The following TRIM64 variants were observed in gnomAD, a reference collection of about 807,000 sequenced individuals.
The protein encoded by TRIM64 is tripartite motif containing 64.
TRIM64 carries 3 observed loss-of-function variants against 10.6 expected under a neutral mutation model. That is an observed-to-expected ratio of 0.28 (90% confidence interval 0.13 to 0.73). The LOEUF is 0.73. TRIM64 is among the 30% of genes least tolerant of loss of function. TRIM64 has a pLI of 0.71. For missense variants in TRIM64, 29 were observed against 152.0 expected (o/e 0.19, Z 4.25); for synonymous variants, 8 against 56.0 (o/e 0.14, Z 3.83).
chr11:89,967,844 C>T (rs1179732588), upstream of TRIM64, among the ~76,000 whole-genome samples: 17 of 35,420 alleles, frequency 4.8e-4, no homozygotes, highest in Admixed American at 4.0e-3. Context: ...TGCAGTGGTG[C>T]GATCTCGGCT....
chr11:89,966,898 C>CAAAAAAAAAAAAAAAAAA (rs778298970), upstream of TRIM64, among the ~76,000 whole-genome samples: 3 of 12,928 alleles, frequency 2.3e-4, no homozygotes, highest in Non-Finnish European at 4.2e-4. Flanking sequence ...ACAACAGCAA[C>CAAAAAAAAAAAAAAAAAA]AAAAAAAAAA....
chr11:89,971,878 C>G lies in TRIM64; in HGVS notation c.759-319C>G, dbSNP rs1350066686. Among the ~76,000 whole-genome samples, 46 of 52,776 alleles carry G rather than the reference C, an allele frequency of 8.7e-4. 14 individuals carry two copies. Among genetic ancestry groups the G allele is most frequent in the African/African-American group, 2.7e-3 (44 of 16,332 alleles). The allele number at this position is 52,776 out of a possible 152,430, so 34.6% of individuals were successfully genotyped here. On this transcript the variant is annotated intron_variant, in intron 4 of 5. Coordinates refer to ENST00000533122, the Ensembl canonical transcript of TRIM64. ...AGGCTGAGGTCGCAAAGGTTTTTGT[C>G]TGAGTTTTCTGCTCTCTGAAATATT... is the stretch of plus-strand genomic sequence containing the variant.
At chr11:89,967,704 A>G (rs1950428431), upstream of TRIM64, among the ~76,000 whole-genome samples, 1 of 35,596 alleles carries the variant, frequency 2.8e-5, no homozygotes, top group Admixed American at 2.7e-4. Context: ...TCATATTCAT[A>G]AGTTTCATAC....
At chr11:89,968,589 A>G (rs1950430996) in exon 1 of TRIM64, 1 of 516,672 alleles carries the variant, frequency 1.9e-6, no homozygotes. Context: ...GTCACCATTG[A>G]CTGTGGGCAC....
intron 3 of TRIM64, 66 bp downstream of exon 4, chr11:89,970,540 A>C: frequency 3.0e-5 from 6 of 200,780 alleles, no homozygotes; most frequent in Non-Finnish European, 4.9e-5. Flanking sequence ...CAGGACATGC[A>C]AATATCACCT....
rs1950432131 is a variant in TRIM64, at chr11:89,968,847, C to CT, written c.345dup (p.Glu116Ter). On this transcript the variant is annotated frameshift_variant, in exon 1 of 6. Transcript: ENST00000533122. LOFTEE classifies it high-confidence loss of function. ...AAGAGATTGCTCTGTGGGCCCTGCT[C>CT]TGAGTCACCAGAGCACATGGCTCAC... The CT allele has an allele frequency of 2.1e-6, 1 of 486,592 alleles. No individual in the cohort carries two copies. 30.1% of individuals were successfully genotyped at this position (486,592 alleles called of 1,614,324 possible).
At chr11:89,973,835 T>G in exon 6 of TRIM64, 1 of 437,048 alleles carries the variant, frequency 2.3e-6, no homozygotes. Flanking sequence ...ATGGTTTTCC[T>G]CCTTCCTCCT....
At chr11:89,966,917 A>AT (rs1950426655), upstream of TRIM64, among the ~76,000 whole-genome samples, 1 of 35,192 alleles carries the variant, frequency 2.8e-5, no homozygotes, top group Non-Finnish European at 5.2e-5. Flanking sequence ...AAAAAAAAAA[A>AT]GAAAGAAAAA....
rs1950438606 is a variant in TRIM64 at position 89,971,669 on chromosome 11, C to G, written c.758+414C>G. On this transcript the variant is annotated intron_variant, in intron 4 of 5. Transcript: ENST00000533122. ...TTTGCTCCTAAAAGCATCAATGACCCGGGCCTGCTCCATCACCATACACCC... is the reference window on the plus strand; with the variant it reads ...TTTGCTCCTAAAAGCATCAATGACCGGGGCCTGCTCCATCACCATACACCC... Among the ~76,000 whole-genome samples, 2 of 51,036 alleles carry G rather than the reference C, an allele frequency of 3.9e-5. 1 individual carries two copies. The highest frequency in any genetic ancestry group is 1.8e-3 in the South Asian group (2 of 1,084). 33.5% of individuals were successfully genotyped at this position (51,036 alleles called of 152,430 possible).
At chr11:89,967,943 T>C (rs1158726635), upstream of TRIM64, among the ~76,000 whole-genome samples, 2 of 35,508 alleles carry the variant, frequency 5.6e-5, 1 homozygote, top group East Asian at 1.2e-3. Context: ...CACCACGCCC[T>C]GCTAATTTTT....
chr11:89,966,955 T>A (rs1297023930), upstream of TRIM64, among the ~76,000 whole-genome samples: 1 of 33,842 alleles, frequency 3.0e-5, no homozygotes, highest in East Asian at 6.5e-4. Context: ...TCAATAGATC[T>A]AACCAACTGG....
Position 89,973,631 on chromosome 11 carries a change from T to A in TRIM64, c.1092T>A (p.Asp364Glu). 1.7e-5 allele frequency: 9 copies of A among 536,150 alleles called. 4 individuals are homozygous for A. The highest frequency in any genetic ancestry group is 2.2e-5 in the Non-Finnish European group (9 of 412,968). 33.2% of individuals were successfully genotyped at this position (536,150 alleles called of 1,614,324 possible). The change falls in exon 6 of 6, where the codon GAT becomes GAA. Residue 364 changes from aspartate to glutamate, a missense_variant. Coordinates refer to ENST00000533122, the Ensembl canonical transcript of TRIM64. ...TCTGTCAAGATTCCAGGACTGCAGA[T>A]GCCAATTTCGTTATTGATTCTGATG...
upstream of TRIM64, among the ~76,000 whole-genome samples, chr11:89,966,898 C>CAAAAAA (rs778298970): frequency 9.4e-4 from 12 of 12,820 alleles, no homozygotes; most frequent in African/African-American, 1.2e-3. Flanking sequence ...ACAACAGCAA[C>CAAAAAA]AAAAAAAAAA....
chr11:89,969,372 C>T, intron 1 of TRIM64, 78 bp from the exon 3 acceptor site: 1 of 192,494 alleles, frequency 5.2e-6, no homozygotes, highest in Non-Finnish European at 7.8e-6. Flanking sequence ...TCAATTACAG[C>T]CTTTTTTTTT....
chr11:89,971,693 C>T (rs1208002033), intron 4 of TRIM64, among the ~76,000 whole-genome samples: 1 of 51,676 alleles, frequency 1.9e-5, no homozygotes, highest in African/African-American at 6.3e-5. Flanking sequence ...CACCATACAC[C>T]CAGTTCTAGG....
At chr11:89,968,625 T>C in exon 1 of TRIM64, 1 of 718,300 alleles carries the variant, frequency 1.4e-6, no homozygotes, top group South Asian at 2.6e-5. Flanking sequence ...TGCCTCTGCC[T>C]CTGCTCAGAA....
At chr11:89,967,824 C>G (rs1383697063), upstream of TRIM64, among the ~76,000 whole-genome samples, 2 of 35,482 alleles carry the variant, frequency 5.6e-5, no homozygotes, top group Non-Finnish European at 1.0e-4. Context: ...CTCCATTACC[C>G]ATGCTGGAGT....
chr11:89,971,686 C>T (rs2134764380), intron 4 of TRIM64, among the ~76,000 whole-genome samples: 1 of 51,568 alleles, frequency 1.9e-5, no homozygotes, highest in African/African-American at 6.4e-5. Flanking sequence ...GCTCCATCAC[C>T]ATACACCCAG....
chr11:89,971,998 G>A lies in TRIM64; in HGVS notation c.759-199G>A, dbSNP rs1788757. On this transcript the variant is annotated intron_variant, in intron 4 of 5. Coordinates refer to ENST00000533122, the Ensembl canonical transcript of TRIM64. ...AAGTTGTATAATGTCTGAGAATAAC[G>A]TATCTGGGGAAATTGGAAGCAAAGT... Among the ~76,000 whole-genome samples the A allele has an allele frequency of 4.3e-5, 2 of 46,442 alleles. 1 individual carries two copies. The highest frequency in any genetic ancestry group is 1.2e-4 in the African/African-American group (2 of 16,562). The allele number at this position is 46,442 out of a possible 152,430, so 30.5% of individuals were successfully genotyped here. A position where few individuals can be genotyped will look rare whatever the true frequency, so the allele number is the denominator to read the frequency against.
Sources: gnomAD v4.1 joint callset for allele counts (sites outside exome capture counted in the v4.1 genomes callset) on GRCh38, gnomAD v4.1.1 for gene constraint, MANE v1.5 for transcripts, NCBI Gene and HGNC (gene_info 2026-07-23, HGNC 2026-07-21) for gene names.